Variants in EIF3E observed in about 807,000 individuals in gnomAD.
EIF3E encodes the protein eukaryotic translation initiation factor 3 subunit E.
Under a neutral mutation model 59.3 loss-of-function variants are expected in EIF3E, and 25 were observed. The ratio of observed to expected loss-of-function variants is 0.42; its 90% CI spans 0.31 to 0.59. EIF3E has a LOEUF of 0.59. EIF3E is among the 20% of genes least tolerant of loss of function. The pLI, the probability that EIF3E is intolerant of heterozygous loss-of-function variation, is 0.15. For missense variants in EIF3E, 317 were observed against 534.3 expected, an observed-to-expected ratio of 0.59 and a Z score of 4.01; for synonymous variants, 176 against 170.2, an observed-to-expected ratio of 1.03 and a Z score of -0.26.
chr8:108,237,303 G>A (rs1815751957), intron 3 of EIF3E, among the ~76,000 whole-genome samples: 1 of 152,218 alleles, frequency 6.6e-6, no homozygotes, highest in Non-Finnish European at 1.5e-5. Context: ...TCCGGATGGA[G>A]TTCACTGGTG....
intron 2 of EIF3E, 96 bp from the exon 3 acceptor site, chr8:108,240,171 C>T: frequency 3.1e-6 from 3 of 960,516 alleles, no homozygotes; most frequent in Admixed American, 1.7e-5. Flanking sequence ...TGTATTTAAA[C>T]TATACATATA....
chr8:108,237,672 A>G (rs2129915992), intron 3 of EIF3E, among the ~76,000 whole-genome samples: 1 of 152,332 alleles, frequency 6.6e-6, no homozygotes, highest in East Asian at 1.9e-4. Context: ...TCCCCATAAA[A>G]ATTAATATAG....
At chr8:108,234,600 GTA>G (rs71991220) in intron 5 of EIF3E, 3,037 of 152,244 alleles carry the variant, frequency 0.02, 88 homozygotes, top group African/African-American at 0.066. Context: ...AGTTCAAGGA[GTA>G]TATATATATA....
intron 10 of EIF3E, among the ~76,000 whole-genome samples, chr8:108,209,677 T>G (rs530112523): frequency 1.3e-5 from 2 of 152,324 alleles, no homozygotes; most frequent in African/African-American, 4.8e-5. Context: ...TGCTAGTAAT[T>G]AATTATACCA....
At position 108,203,538 on chromosome 8, in the gene EIF3E, C is replaced by G. The variant is rs372299942; in HGVS notation, c.1062-35G>C. The G allele has an allele frequency of 7.6e-6, 12 of 1,584,370 alleles. No individual in the cohort carries two copies. The African/African-American group carries it at 1.5e-4, about 20-fold the overall frequency. On this transcript the variant is annotated intron_variant, in intron 10 of 12. Transcript: ENST00000220849. ...AAGTAAAAACAGCAATGTTAATTAA[C>G]TGGGCCTAAAAACTTAGTTTTATGT...
intron 7 of EIF3E, among the ~76,000 whole-genome samples, chr8:108,223,215 G>A (rs1815452781): frequency 6.6e-6 from 1 of 152,098 alleles, no homozygotes; most frequent in Non-Finnish European, 1.5e-5. Flanking sequence ...CTTCACGAAG[G>A]AAGTAAATCT....
intron 5 of EIF3E, among the ~76,000 whole-genome samples, chr8:108,232,836 T>C (rs1452081826): frequency 1.3e-5 from 2 of 152,170 alleles, no homozygotes; most frequent in Non-Finnish European, 2.9e-5. Flanking sequence ...TTCCATGTCT[T>C]AGCAAAATGG....
At position 108,203,864 on chromosome 8, in the gene EIF3E, C is replaced by T. The variant is rs369521577; in HGVS notation, c.1062-361G>A. Among the ~76,000 whole-genome samples, 18 of 152,026 alleles carry T rather than the reference C, an allele frequency of 1.2e-4. No individual in the cohort carries two copies. The South Asian group carries it at 3.3e-3, about 28-fold the overall frequency. On this transcript the variant is annotated intron_variant, in intron 10 of 12. Coordinates refer to ENST00000220849, the MANE Select transcript of EIF3E (RefSeq NM_001568.3). ...TGATGTTCCCTCTATATAAGTCAGC[C>T]CTCCATATCCACAGGTTCCACATCC...
At chr8:108,236,023 A>C in intron 4 of EIF3E, 138 bp downstream of exon 4, 1 of 654,720 alleles carries the variant, frequency 1.5e-6, no homozygotes, top group East Asian at 3.4e-5. Context: ...AGTTTTAAAA[A>C]TATAACCAGA....
chr8:108,221,029 G>A (rs1815401071), intron 7 of EIF3E, among the ~76,000 whole-genome samples: 1 of 143,058 alleles, frequency 7.0e-6, no homozygotes, highest in Non-Finnish European at 1.5e-5. Context: ...GCGAGACATG[G>A]ACAGACAGGA....
intron 1 of EIF3E, among the ~76,000 whole-genome samples, chr8:108,245,121 G>GCCCCCCC (rs980159016): frequency 6.7e-6 from 1 of 149,258 alleles, no homozygotes. Flanking sequence ...AACCCTCACT[G>GCCCCCCC]CCCCCCCCTC....
intron 7 of EIF3E, chr8:108,226,131 A>G (rs1281103944): frequency 2.0e-5 from 3 of 151,900 alleles, no homozygotes; most frequent in Non-Finnish European, 4.4e-5. Context: ...GACAATATTG[A>G]GGACTTACTG....
chr8:108,222,111 T>C (rs546883666), intron 7 of EIF3E, among the ~76,000 whole-genome samples: 8 of 152,238 alleles, frequency 5.3e-5, no homozygotes, highest in African/African-American at 1.4e-4. Context: ...GTTACAGTCA[T>C]AGTTCACTAC....
chr8:108,230,310 C>A (rs1283918085), intron 5 of EIF3E, among the ~76,000 whole-genome samples: 1 of 152,028 alleles, frequency 6.6e-6, no homozygotes, highest in East Asian at 1.9e-4. Context: ...GGATAGAACC[C>A]ACCTCAGTTG....
chr8:108,248,478 C>G (rs1329647320), intron 1 of EIF3E, 135 bp downstream of exon 1: 14 of 772,854 alleles, frequency 1.8e-5, no homozygotes, highest in Non-Finnish European at 2.6e-5. Flanking sequence ...ACCAGAAGAT[C>G]CTTAGTGTCC....
chr8:108,221,066 GAAAAGA>G (rs1345816559), intron 7 of EIF3E, among the ~76,000 whole-genome samples: 1 of 149,980 alleles, frequency 6.7e-6, no homozygotes, highest in Admixed American at 6.7e-5. Flanking sequence ...AGGACAGGAT[GAAAAGA>G]AAAAGAAAAA....
chr8:108,207,432 A>T (rs1172431413), intron 10 of EIF3E, among the ~76,000 whole-genome samples: 1 of 152,222 alleles, frequency 6.6e-6, no homozygotes, highest in Non-Finnish European at 1.5e-5. Context: ...AGGGAGAAAT[A>T]AAACCAATTT....
At chr8:108,232,731 A>G (rs1815646813) in intron 5 of EIF3E, among the ~76,000 whole-genome samples, 1 of 152,338 alleles carries the variant, frequency 6.6e-6, no homozygotes, top group African/African-American at 2.4e-5. Flanking sequence ...GCTAAACTCC[A>G]TGTCATTACA....
chr8:108,218,782 C>CTTTT (rs35642365), intron 7 of EIF3E, among the ~76,000 whole-genome samples: 15 of 111,154 alleles, frequency 1.3e-4, no homozygotes, highest in African/African-American at 2.1e-4. Flanking sequence ...TATTTTATTT[C>CTTTT]TTTTTTTTTT....
Sources: gnomAD v4.1 joint callset for allele counts (sites outside exome capture counted in the v4.1 genomes callset) on GRCh38, gnomAD v4.1.1 for gene constraint, MANE v1.5 for transcripts, NCBI Gene and HGNC (gene_info 2026-07-23, HGNC 2026-07-21) for gene names.